VPS13D: variants seen among roughly 807,000 people sequenced by gnomAD.
VPS13D encodes the protein vacuolar protein sorting 13 homolog D, also known as intermembrane lipid transfer protein VPS13D.
Under a neutral mutation model 461.9 loss-of-function variants are expected in VPS13D, and 187 were observed. The observed-to-expected ratio is 0.40, with a 90% CI of 0.36 to 0.46. VPS13D has a LOEUF of 0.46. Among genes scored for constraint, VPS13D ranks in the 20% least tolerant of loss-of-function variants. The pLI, the probability that VPS13D is intolerant of heterozygous loss-of-function variation, is 0.60. For synonymous variants in VPS13D, 1,951 were observed against 1,986.3 expected (o/e 0.98, Z 0.47); for missense variants, 4,711 against 5,364.9 (o/e 0.88, Z 3.81).
At chr1:12,265,754 T>A (rs1273744674) in intron 13 of VPS13D, among the ~76,000 whole-genome samples, 3 of 152,198 alleles carry the variant, frequency 2.0e-5, no homozygotes, top group Non-Finnish European at 4.4e-5. Flanking sequence ...ATTGCTGGAA[T>A]CTCATGATCA....
Position 12,368,470 on chromosome 1 carries a change from A to C in VPS13D, c.10451A>C (p.Asp3484Ala). 1 of 1,611,140 alleles carries C rather than the reference A, an allele frequency of 6.2e-7. No individual in the cohort carries two copies. The change falls in exon 53 of 70, where the codon GAT becomes GCT. Residue 3484 changes from aspartate to alanine, a missense_variant and splice_region_variant. This residue lies in a region of VPS13D where 4,411 missense variants were observed against 4,937.8 expected (regional missense o/e 0.89). Coordinates refer to ENST00000620676, the MANE Select transcript of VPS13D (RefSeq NM_015378.4). ...TCTTTTGTTTCCTTGTCCTGCAGGG[A>C]TACCTTGGGAAAATGCTTCTTCCTA... The part of the protein sequence containing the change: ...KNNSFHINMR[D>A]TLGKCFFLRV...
intron 39 of VPS13D, chr1:12,337,937 G>A (rs891556185): frequency 5.4e-5 from 13 of 241,560 alleles, no homozygotes; most frequent in Non-Finnish European, 9.8e-5. Flanking sequence ...ATCTTCAAAA[G>A]GCTCGTCATT....
intron 68 of VPS13D, among the ~76,000 whole-genome samples, chr1:12,501,053 C>G (rs545386826): frequency 6.6e-6 from 1 of 151,786 alleles, no homozygotes; most frequent in African/African-American, 2.4e-5. Flanking sequence ...GACCCTGTCT[C>G]AAAAAGATAC....
intron 60 of VPS13D, among the ~76,000 whole-genome samples, chr1:12,387,010 A>C (rs1017605829): frequency 6.6e-6 from 1 of 152,182 alleles, no homozygotes; most frequent in African/African-American, 2.4e-5. Flanking sequence ...AAAAACTCTG[A>C]AGATCTATAG....
intron 67 of VPS13D, among the ~76,000 whole-genome samples, chr1:12,487,610 CA>C (rs765536608): frequency 0.013 from 1,174 of 89,724 alleles, 8 homozygotes; most frequent in African/African-American, 0.039. Context: ...GATTCCATCT[CA>C]AAAAAAAAAA....
intron 57 of VPS13D, among the ~76,000 whole-genome samples, chr1:12,379,893 C>T (rs574716455): frequency 6.3e-4 from 96 of 152,066 alleles, no homozygotes; most frequent in African/African-American, 1.5e-3. Flanking sequence ...CTCAGCCTCC[C>T]GAGTAGCTGG....
In VPS13D at chr1:12,240,636, A is replaced by G. The variant is rs376489259; in HGVS notation, c.98-1877A>G. ...AAAAAAAAGGCAGTTCGAAGCATAA[A>G]TCATGCTCTTCAAAAGAAGAAACTA... On this transcript the variant is annotated intron_variant, in intron 2 of 69. Transcript: ENST00000620676. Among the ~76,000 whole-genome samples, 3 of 151,244 alleles carry G rather than the reference A, an allele frequency of 2.0e-5. No individual in the cohort carries two copies. The South Asian group carries it at 6.2e-4, about 31-fold the overall frequency.
At chr1:12,306,793 TCCACCG>T (rs1642577226) in intron 26 of VPS13D, among the ~76,000 whole-genome samples, 1 of 152,160 alleles carries the variant, frequency 6.6e-6, no homozygotes, top group Admixed American at 6.5e-5. Flanking sequence ...ATGAAACTGT[TCCACCG>T]CAGATCATCA....
At chr1:12,412,327 T>C (rs1272200094) in intron 63 of VPS13D, among the ~76,000 whole-genome samples, 1 of 152,214 alleles carries the variant, frequency 6.6e-6, no homozygotes, top group Non-Finnish European at 1.5e-5. Context: ...TCTCTGCAGT[T>C]GAAAAGCGCA....
intron 54 of VPS13D, among the ~76,000 whole-genome samples, chr1:12,370,625 C>G (rs889612311): frequency 1.3e-5 from 2 of 152,108 alleles, no homozygotes; most frequent in Non-Finnish European, 2.9e-5. Context: ...GTTGACGTTC[C>G]CTTTGGGAAC....
At chr1:12,479,486 G>A (rs769819619) in intron 67 of VPS13D, among the ~76,000 whole-genome samples, 6 of 152,210 alleles carry the variant, frequency 3.9e-5, no homozygotes, top group Admixed American at 6.5e-5. Context: ...GCATGGTATC[G>A]CTGTCATTAG....
intron 65 of VPS13D, among the ~76,000 whole-genome samples, chr1:12,447,627 C>T (rs1297311329): frequency 1.3e-5 from 2 of 152,220 alleles, no homozygotes; most frequent in African/African-American, 4.8e-5. Context: ...ATTCCAAACC[C>T]TTGAAACCTA....
At chr1:12,409,991 G>A (rs1382857748) in intron 63 of VPS13D, 1 of 445,496 alleles carries the variant, frequency 2.2e-6, no homozygotes, top group Non-Finnish European at 4.5e-6. Context: ...GAAAGCAGCT[G>A]CCAACAGGCA....
At chr1:12,360,440 T>A (rs1339825649) in intron 50 of VPS13D, among the ~76,000 whole-genome samples, 1 of 152,240 alleles carries the variant, frequency 6.6e-6, no homozygotes, top group Non-Finnish European at 1.5e-5. Flanking sequence ...TATCAACTTA[T>A]TGATTTATCA....
At chr1:12,391,329 T>C (rs1289659629) in intron 60 of VPS13D, among the ~76,000 whole-genome samples, 15 of 152,204 alleles carry the variant, frequency 9.9e-5, no homozygotes, top group Non-Finnish European at 1.5e-5. Flanking sequence ...CAGGCTCTAG[T>C]CTTCCCTTCC....
At chr1:12,411,313 CAG>C (rs1243310989) in intron 63 of VPS13D, among the ~76,000 whole-genome samples, 1 of 151,998 alleles carries the variant, frequency 6.6e-6, no homozygotes, top group African/African-American at 2.4e-5. Context: ...GCAATAATAA[CAG>C]AGAAAAGAAA....
In VPS13D at chr1:12,282,938, C is replaced by G; in HGVS notation, c.4836C>G (p.Val1612=). The change falls in exon 21 of 70, where the codon GTC becomes GTG. Residue 1612 remains valine, a synonymous_variant. Transcript: ENST00000620676. Reference sequence around the variant, plus strand: ...AGAAGTCATTGTCAGTGAAGGAAGTCAAATCCTTTACTCAGATTCAAGCCA... The same window carrying G: ...AGAAGTCATTGTCAGTGAAGGAAGTGAAATCCTTTACTCAGATTCAAGCCA... ...TSQKSLSVKE[V]KSFTQIQATF... The G allele has an allele frequency of 6.2e-7, 1 of 1,614,140 alleles. No individual in the cohort carries two copies. The highest frequency in any genetic ancestry group is 8.5e-7 in the Non-Finnish European group (1 of 1,180,018).
chr1:12,291,376 C>T (rs548991763), intron 23 of VPS13D, among the ~76,000 whole-genome samples: 2 of 152,218 alleles, frequency 1.3e-5, no homozygotes, highest in Admixed American at 6.5e-5. Flanking sequence ...TGCCTGTAAT[C>T]TAAGCTCTTT....
chr1:12,279,421 G>T lies in VPS13D; in HGVS notation c.4451-78G>T, dbSNP rs558648764. 4.1e-5 allele frequency: 59 copies of T among 1,451,792 alleles called. No homozygotes were observed. In the South Asian group the frequency reaches 8.6e-4, roughly 21 times the overall value. The allele number at this position is 1,451,792 out of a possible 1,614,324, so 89.9% of individuals were successfully genotyped here. A position where few individuals can be genotyped will look rare whatever the true frequency, so the allele number is the denominator to read the frequency against. ...AAGTGTAACTCATGGGCTGTATTTTGTATATTCTACGTTTAATCAGCAGTA... is the reference window on the plus strand; with the variant it reads ...AAGTGTAACTCATGGGCTGTATTTTTTATATTCTACGTTTAATCAGCAGTA... On this transcript the variant is annotated intron_variant, in intron 19 of 69. Coordinates refer to ENST00000620676, the MANE Select transcript of VPS13D (RefSeq NM_015378.4). The surrounding 1 kb of genome is among the most constrained non-coding windows in gnomAD (Gnocchi z 4.3).
Sources: allele counts gnomAD v4.1 joint callset (sites outside exome capture counted in the v4.1 genomes callset), GRCh38; gene constraint gnomAD v4.1.1; regional missense constraint gnomAD v4.1.1; non-coding constraint Gnocchi (gnomAD v3.1); transcripts MANE v1.5; gene names NCBI Gene and HGNC (gene_info 2026-07-23, HGNC 2026-07-21).